The following CAMK1D variants were observed in gnomAD, a reference collection of about 807,000 sequenced individuals.
CAMK1D encodes calcium/calmodulin-dependent protein kinase type 1D.
Under a neutral mutation model 47.7 loss-of-function variants are expected in CAMK1D, and 9 were observed. That is an observed-to-expected ratio of 0.19 (90% CI 0.11 to 0.33). The LOEUF (loss-of-function observed/expected upper bound fraction) is 0.33. Ranked by LOEUF, CAMK1D falls within the 10% of genes least tolerant of loss-of-function variation. The probability of loss-of-function intolerance (pLI) is 1.00; values close to 1 mark genes in which losing one functional copy is unlikely to be tolerated. For synonymous variants in CAMK1D, 184 were observed against 184.9 expected (o/e 0.99, Z 0.04); for missense variants, 291 against 488.7 (o/e 0.60, Z 3.81).
At chr10:12,422,473 G>C (rs72769610) in intron 1 of CAMK1D, among the ~76,000 whole-genome samples, 114 of 152,258 alleles carry the variant, frequency 7.5e-4, no homozygotes, top group Non-Finnish European at 1.2e-3. Flanking sequence ...CAGGTCTTAC[G>C]AGGGGATGCG....
intron 3 of CAMK1D, among the ~76,000 whole-genome samples, chr10:12,743,865 A>C (rs1438145285): frequency 6.6e-6 from 1 of 152,166 alleles, no homozygotes; most frequent in Admixed American, 6.6e-5. Flanking sequence ...TCTACTAAAA[A>C]TACAGAAATT....
At chr10:12,402,028 TGGAATTACA>T (rs1363747486) in intron 1 of CAMK1D, among the ~76,000 whole-genome samples, 4 of 151,970 alleles carry the variant, frequency 2.6e-5, no homozygotes, top group Non-Finnish European at 5.9e-5. Flanking sequence ...CCCTAGTAGC[TGGAATTACA>T]GGTGGGTGCA....
chr10:12,770,351 A>G (rs1317504696), intron 5 of CAMK1D, among the ~76,000 whole-genome samples: 1 of 152,238 alleles, frequency 6.6e-6, no homozygotes, highest in African/African-American at 2.4e-5. Context: ...CAAAATGCAG[A>G]GGAAACTACT....
intron 1 of CAMK1D, among the ~76,000 whole-genome samples, chr10:12,456,063 A>G (rs1407041718): frequency 6.6e-6 from 1 of 152,196 alleles, no homozygotes; most frequent in Non-Finnish European, 1.5e-5. Flanking sequence ...CTTGGGTGGG[A>G]AAGAACCCTT....
intron 5 of CAMK1D, among the ~76,000 whole-genome samples, chr10:12,771,559 C>T (rs139043836): frequency 5.3e-5 from 8 of 152,138 alleles, no homozygotes; most frequent in East Asian, 1.9e-4. Context: ...CAGGCTGAGG[C>T]GGGCAGAGAA....
At chr10:12,773,515 G>A (rs1837136595) in intron 5 of CAMK1D, among the ~76,000 whole-genome samples, 1 of 152,140 alleles carries the variant, frequency 6.6e-6, no homozygotes, top group Non-Finnish European at 1.5e-5. Context: ...TATTTGTATT[G>A]TTTTTTCAAA....
intron 5 of CAMK1D, among the ~76,000 whole-genome samples, chr10:12,784,389 G>T (rs1409767576): frequency 6.6e-6 from 1 of 152,018 alleles, no homozygotes; most frequent in Non-Finnish European, 1.5e-5. Flanking sequence ...GTAGAGACGG[G>T]GTTTCACCTT....
intron 1 of CAMK1D, among the ~76,000 whole-genome samples, chr10:12,503,479 C>T (rs764565674): frequency 1.4e-4 from 22 of 152,114 alleles, no homozygotes; most frequent in Non-Finnish European, 2.9e-4. Context: ...GGCGAAGAGG[C>T]CAGAAGAAGG....
chr10:12,822,442 G>T (rs1833048337), intron 8 of CAMK1D, among the ~76,000 whole-genome samples: 1 of 152,222 alleles, frequency 6.6e-6, no homozygotes, highest in African/African-American at 2.4e-5. Flanking sequence ...TTACATCTGG[G>T]CCCATGTGAA....
chr10:12,606,771 A>G (rs962842986), intron 2 of CAMK1D, among the ~76,000 whole-genome samples: 3 of 152,198 alleles, frequency 2.0e-5, no homozygotes, highest in African/African-American at 7.2e-5. Flanking sequence ...CAAAGTGTAG[A>G]TGAGAAACCT....
intron 1 of CAMK1D, among the ~76,000 whole-genome samples, chr10:12,541,815 A>G (rs1836191455): frequency 6.8e-6 from 1 of 146,502 alleles, no homozygotes; most frequent in South Asian, 2.2e-4. Context: ...GCCAAGTACC[A>G]CTGACTTCAC....
chr10:12,750,514 G>T (rs188855924), intron 3 of CAMK1D, among the ~76,000 whole-genome samples: 3 of 152,280 alleles, frequency 2.0e-5, no homozygotes, highest in Admixed American at 2.0e-4. Context: ...TCCCTGGGTG[G>T]GCTGGAGGTT....
In CAMK1D at chr10:12,574,532, G is replaced by A. The variant is rs540104825; in HGVS notation, c.224+21176G>A. Among the ~76,000 whole-genome samples, 16 of 135,696 alleles carry A rather than the reference G, an allele frequency of 1.2e-4. No homozygotes were observed. In the South Asian group the frequency reaches 3.7e-3, roughly 31 times the overall value. The allele number at this position is 135,696 out of a possible 152,430, so 89.0% of individuals were successfully genotyped here. ...GGGGCTTCGCCATGTTGCCCAGGCT[G>A]GTCTTGAACTCCTGGCCTCAAGTGA... On this transcript the variant is annotated intron_variant, in intron 2 of 10. Transcript: ENST00000619168.
At chr10:12,730,834 T>C (rs1430314088) in intron 3 of CAMK1D, among the ~76,000 whole-genome samples, 2 of 152,318 alleles carry the variant, frequency 1.3e-5, no homozygotes, top group South Asian at 2.1e-4. Flanking sequence ...TTCAGCAACA[T>C]AGAATCATGA....
intron 10 of CAMK1D, 65 bp downstream of exon 10, chr10:12,825,755 G>A (rs759530611): frequency 6.2e-7 from 1 of 1,610,706 alleles, no homozygotes; most frequent in Non-Finnish European, 8.5e-7. Flanking sequence ...GTGGAGAGGA[G>A]GGAGCCGGCA....
intron 9 of CAMK1D, among the ~76,000 whole-genome samples, chr10:12,824,858 G>A (rs531698202): frequency 1.8e-4 from 27 of 152,204 alleles, no homozygotes; most frequent in African/African-American, 6.0e-4. Flanking sequence ...TTATTAAAGC[G>A]ATATGGAGGG....
rs574188915 is a variant in CAMK1D at position 12,354,686 on chromosome 10, A to G, written c.92+4776A>G. ...CGGCCTCCCAAAGTGCTGGGATTAC[A>G]GACGTGAGCCGCCGCGCCCAGCCGA... On this transcript the variant is annotated intron_variant, in intron 1 of 10. Transcript: ENST00000619168. Among the ~76,000 whole-genome samples the G allele has an allele frequency of 1.5e-3, 232 of 152,114 alleles. 2 individuals are homozygous for G. The highest frequency in any genetic ancestry group is 5.3e-3 in the African/African-American group (220 of 41,492).
At chr10:12,639,152 T>G (rs1285966162) in intron 2 of CAMK1D, among the ~76,000 whole-genome samples, 1 of 152,230 alleles carries the variant, frequency 6.6e-6, no homozygotes, top group Non-Finnish European at 1.5e-5. Context: ...AAAGTCCCCT[T>G]TCTATTTTCC....
chr10:12,397,701 TTGAC>T (rs936697393), intron 1 of CAMK1D, among the ~76,000 whole-genome samples: 4 of 151,988 alleles, frequency 2.6e-5, no homozygotes, highest in Non-Finnish European at 4.4e-5. Context: ...CACAGAAAAA[TTGAC>T]TGAAGAGGGT....
Sources: allele counts gnomAD v4.1 joint callset (sites outside exome capture counted in the v4.1 genomes callset), GRCh38; gene constraint gnomAD v4.1.1; transcripts MANE v1.5; gene names NCBI Gene and HGNC (gene_info 2026-07-23, HGNC 2026-07-21).